TEKT3: variants seen among roughly 807,000 people sequenced by gnomAD.
TEKT3 encodes tektin 3.
Under a neutral mutation model 49.8 loss-of-function variants are expected in TEKT3, and 49 were observed. The ratio of observed to expected loss-of-function variants is 0.98; its 90% CI spans 0.78 to 1.25. TEKT3 has a LOEUF of 1.25. TEKT3 is among the 50% of genes most tolerant of loss of function. The probability of loss-of-function intolerance (pLI) is 0.00; values close to 1 mark genes in which losing one functional copy is unlikely to be tolerated. For synonymous variants in TEKT3, 225 were observed against 237.2 expected (o/e 0.95, Z 0.47); for missense variants, 595 against 629.5 (o/e 0.95, Z 0.59).
chr17:15,327,892 C>G (rs1424399270), intron 4 of TEKT3, 100 bp downstream of exon 4: 3 of 1,023,546 alleles, frequency 2.9e-6, no homozygotes, highest in South Asian at 2.7e-5. Context: ...TAATGCTTTA[C>G]TTATAAGTCA....
intron 2 of TEKT3, among the ~76,000 whole-genome samples, chr17:15,333,025 T>A (rs1207141431): frequency 6.6e-6 from 1 of 151,566 alleles, no homozygotes; most frequent in Non-Finnish European, 1.5e-5. Flanking sequence ...GTAGATCTTT[T>A]TTTTTTTTTT....
chr17:15,326,569 G>A (rs1033516868), intron 4 of TEKT3, among the ~76,000 whole-genome samples: 3 of 152,148 alleles, frequency 2.0e-5, no homozygotes, highest in African/African-American at 7.2e-5. Context: ...TGGATTAAAG[G>A]AGTTTGGGAG....
intron 2 of TEKT3, 136 bp from the exon 3 acceptor site, chr17:15,331,750 AT>A (rs1911762043): frequency 7.8e-6 from 5 of 641,228 alleles, no homozygotes; most frequent in Non-Finnish European, 1.3e-5. Flanking sequence ...CTCATTTGTT[AT>A]CCACATTCAC....
chr17:15,303,956 G>A lies in TEKT3; in HGVS notation c.1453C>T (p.Arg485Trp), dbSNP rs201357820. Residue 485 changes from arginine (R) to tryptophan (W), a missense_variant, in exon 9 of 9, where the codon CGG becomes TGG. By Grantham distance (101) the Arg-to-Trp change is moderately radical. Coordinates refer to ENST00000395930, the MANE Select transcript of TEKT3 (RefSeq NM_031898.3). ...SMRKSYPNTLRLVGFC is the reference protein window; with the variant it reads ...SMRKSYPNTLWLVGFC Reference sequence around the variant, plus strand: ...GGTCCCTAGCAGAAGCCGACCAGCCGGAGGGTGTTGGGGTAGCTCTTGCGC... The same window carrying A: ...GGTCCCTAGCAGAAGCCGACCAGCCAGAGGGTGTTGGGGTAGCTCTTGCGC... 2.2e-5 allele frequency: 35 copies of A among 1,614,010 alleles called. No homozygotes were observed. In the East Asian group the frequency reaches 4.2e-4, roughly 20 times the overall value.
At chr17:15,314,647 C>T (rs994026861) in intron 5 of TEKT3, among the ~76,000 whole-genome samples, 6 of 152,194 alleles carry the variant, frequency 3.9e-5, no homozygotes, top group African/African-American at 1.4e-4. Flanking sequence ...TATCTCAGCT[C>T]CCTTTTCCTC....
chr17:15,338,580 C>G (rs1037651979), intron 2 of TEKT3: 1 of 150,014 alleles, frequency 6.7e-6, no homozygotes, highest in Non-Finnish European at 1.5e-5. Context: ...GATGGCGCCA[C>G]TGCAAGCTCC....
intron 4 of TEKT3, among the ~76,000 whole-genome samples, chr17:15,323,951 A>G (rs1911375652): frequency 2.0e-5 from 3 of 152,204 alleles, no homozygotes; most frequent in Admixed American, 2.0e-4. Flanking sequence ...TTCATAGACC[A>G]TATAATTCAC....
intron 2 of TEKT3, among the ~76,000 whole-genome samples, chr17:15,334,884 T>G (rs2150753554): frequency 6.6e-6 from 1 of 152,332 alleles, no homozygotes; most frequent in South Asian, 2.1e-4. Context: ...ACCAAGACTG[T>G]CATGAACTAA....
At chr17:15,311,674 T>C (rs56085830) in intron 7 of TEKT3, among the ~76,000 whole-genome samples, 7,448 of 152,250 alleles carry the variant, frequency 0.049, 348 homozygotes, top group African/African-American at 0.12. Context: ...ACAAACTATA[T>C]GCAGCATAAT....
chr17:15,315,999 C>T (rs1910989169), intron 5 of TEKT3, among the ~76,000 whole-genome samples: 1 of 152,236 alleles, frequency 6.6e-6, no homozygotes, highest in Admixed American at 6.5e-5. Flanking sequence ...CACTTGACCT[C>T]TCAAAGCTGT....
upstream of TEKT3, among the ~76,000 whole-genome samples, chr17:15,343,396 T>C (rs1446146849): frequency 6.6e-6 from 1 of 152,212 alleles, no homozygotes; most frequent in African/African-American, 2.4e-5. Flanking sequence ...GATTATCAAG[T>C]CTTTGCCAGA....
intron 2 of TEKT3, among the ~76,000 whole-genome samples, chr17:15,333,829 G>A (rs1911877731): frequency 1.4e-5 from 2 of 145,354 alleles, no homozygotes; most frequent in African/African-American, 5.1e-5. Context: ...GCATGATCTC[G>A]GCTCACTGCA....
chr17:15,325,565 CAGCCATTGATATTTTTAAAATCTTTG>C (rs1911454732), intron 4 of TEKT3, among the ~76,000 whole-genome samples: 2 of 152,064 alleles, frequency 1.3e-5, no homozygotes, highest in Non-Finnish European at 2.9e-5. Context: ...GTGTGGGACC[CAGCCATTGATATTTTTAAAATCTTTG>C]CCAGGTGATT....
rs761616166 is a variant in TEKT3, at chr17:15,314,256, G to A, written c.735-26C>T. 9.9e-6 allele frequency: 16 copies of A among 1,613,638 alleles called. No homozygotes were observed. The East Asian group carries it at 3.3e-4, about 34-fold the overall frequency. The stretch of plus-strand genomic sequence containing the variant: ...CTGCAATACAGAGTCGGGAAGTGGA[G>A]CTTCACACTCAGGTGACAATGTCCT... On this transcript the variant is annotated intron_variant, in intron 5 of 8. Coordinates refer to ENST00000395930, the MANE Select transcript of TEKT3 (RefSeq NM_031898.3).
chr17:15,313,481 T>G (rs561193025), intron 6 of TEKT3, among the ~76,000 whole-genome samples: 1 of 152,174 alleles, frequency 6.6e-6, no homozygotes, highest in Non-Finnish European at 1.5e-5. Context: ...TGCTATACAA[T>G]GGCAACTTGT....
At chr17:15,310,324 G>A (rs2093615325) in intron 7 of TEKT3, among the ~76,000 whole-genome samples, 1 of 152,168 alleles carries the variant, frequency 6.6e-6, no homozygotes, top group African/African-American at 2.4e-5. Context: ...TGTTAGGGCT[G>A]AATAGTGCCT....
At chr17:15,338,073 T>C (rs1259348492) in intron 2 of TEKT3, among the ~76,000 whole-genome samples, 1 of 152,102 alleles carries the variant, frequency 6.6e-6, no homozygotes, top group Non-Finnish European at 1.5e-5. Flanking sequence ...AAAGCAAAAA[T>C]TGACAGAACT....
chr17:15,323,106 C>A (rs1470938933), intron 4 of TEKT3, among the ~76,000 whole-genome samples: 2 of 152,202 alleles, frequency 1.3e-5, no homozygotes, highest in Non-Finnish European at 1.5e-5. Context: ...TCTTTCCGTG[C>A]TGGTTGCAGG....
At chr17:15,327,127 C>G (rs748431691) in intron 4 of TEKT3, among the ~76,000 whole-genome samples, 17 of 147,846 alleles carry the variant, frequency 1.1e-4, no homozygotes, top group Non-Finnish European at 2.1e-4. Context: ...GATAGGGAAG[C>G]AACCTAACTA....
Sources: allele counts gnomAD v4.1 joint callset (sites outside exome capture counted in the v4.1 genomes callset), GRCh38; gene constraint gnomAD v4.1.1; transcripts MANE v1.5; gene names NCBI Gene and HGNC (gene_info 2026-07-23, HGNC 2026-07-21).